The following KDM4C variants were observed in gnomAD, a reference collection of about 807,000 sequenced individuals.
The protein encoded by KDM4C is lysine demethylase 4C.
A neutral mutation model predicts 129.3 loss-of-function variants in KDM4C; 81 were observed. The observed-to-expected ratio is 0.63, with a 90% CI of 0.52 to 0.75. The LOEUF is 0.75. KDM4C is among the 30% of genes least tolerant of loss of function. The pLI is 0.00. For missense variants in KDM4C, 1,457 were observed against 1,304.0 expected (o/e 1.12, Z -1.81); for synonymous variants, 573 against 456.1 (o/e 1.26, Z -3.26).
At chr9:6,799,170 G>A (rs1316026848) in intron 2 of KDM4C, among the ~76,000 whole-genome samples, 1 of 152,168 alleles carries the variant, frequency 6.6e-6, no homozygotes, top group Non-Finnish European at 1.5e-5. Flanking sequence ...GGTGGCGGCC[G>A]GGCAGAGGCT....
intron 8 of KDM4C, among the ~76,000 whole-genome samples, chr9:6,952,437 A>AATT (rs1342230497): frequency 2.8e-3 from 411 of 149,030 alleles, no homozygotes; most frequent in African/African-American, 9.6e-3. Context: ...ATATAATAAT[A>AATT]ATTATTATTA....
chr9:7,030,185 T>G (rs1052744083), intron 15 of KDM4C, among the ~76,000 whole-genome samples: 7 of 152,208 alleles, frequency 4.6e-5, no homozygotes, highest in Non-Finnish European at 8.8e-5. Flanking sequence ...TAGTTTGTCT[T>G]AAAAATTAGG....
At chr9:6,871,770 T>G (rs1290805248) in intron 5 of KDM4C, among the ~76,000 whole-genome samples, 4 of 152,220 alleles carry the variant, frequency 2.6e-5, no homozygotes, top group African/African-American at 9.6e-5. Flanking sequence ...GCAGGCACTC[T>G]ACAAGGTAGA....
At chr9:7,139,139 G>A (rs1841500954) in intron 19 of KDM4C, among the ~76,000 whole-genome samples, 1 of 152,164 alleles carries the variant, frequency 6.6e-6, no homozygotes, top group South Asian at 2.1e-4. Context: ...GCCAGGCATG[G>A]TGGTATGCAT....
chr9:6,857,465 T>C (rs1304605447), intron 5 of KDM4C, among the ~76,000 whole-genome samples: 1 of 152,206 alleles, frequency 6.6e-6, no homozygotes, highest in African/African-American at 2.4e-5. Context: ...CACATACCAC[T>C]CTAGCACACA....
intron 4 of KDM4C, among the ~76,000 whole-genome samples, chr9:6,826,425 C>G (rs551573597): frequency 1.3e-5 from 2 of 151,944 alleles, no homozygotes; most frequent in Non-Finnish European, 2.9e-5. Flanking sequence ...TGTATATTTC[C>G]TTCCATTTTT....
chr9:6,763,035 G>A (rs892059289), intron 1 of KDM4C, among the ~76,000 whole-genome samples: 3 of 150,828 alleles, frequency 2.0e-5, no homozygotes, highest in African/African-American at 7.4e-5. Context: ...TCCGCTGGTG[G>A]GGGGGGATGG....
intron 1 of KDM4C, among the ~76,000 whole-genome samples, chr9:6,781,400 C>T (rs572213147): frequency 1.8e-4 from 28 of 151,722 alleles, no homozygotes; most frequent in African/African-American, 6.5e-4. Flanking sequence ...TTTTTAAAGA[C>T]ACTGTATTTA....
At chr9:6,863,115 A>G (rs530174950) in intron 5 of KDM4C, among the ~76,000 whole-genome samples, 3 of 152,338 alleles carry the variant, frequency 2.0e-5, no homozygotes, top group African/African-American at 7.2e-5. Context: ...GTGACAACGT[A>G]TACAGAAAAG....
intron 17 of KDM4C, among the ~76,000 whole-genome samples, chr9:7,075,382 G>A (rs896539033): frequency 6.6e-6 from 1 of 152,096 alleles, no homozygotes; most frequent in Non-Finnish European, 1.5e-5. Context: ...CAGTGTTGGG[G>A]GGTGCGACCT....
At chr9:7,150,610 G>T (rs1250300074) in intron 19 of KDM4C, among the ~76,000 whole-genome samples, 1 of 152,152 alleles carries the variant, frequency 6.6e-6, no homozygotes, top group Non-Finnish European at 1.5e-5. Flanking sequence ...GGAGAAGGCA[G>T]GAATGCAGAG....
At chr9:7,118,933 C>G (rs1839207253) in intron 18 of KDM4C, among the ~76,000 whole-genome samples, 1 of 152,074 alleles carries the variant, frequency 6.6e-6, no homozygotes, top group African/African-American at 2.4e-5. Context: ...CCTATACGGC[C>G]AAAGCAAAGA....
At position 7,021,750 on chromosome 9, in the gene KDM4C, T is replaced by G. The variant is rs146234301; in HGVS notation, c.2259+5821T>G. Reference sequence around the variant, plus strand: ...TTGCCCAGACCAGTATTCTGGAGAGTTTCCCAATATTTTCTGTTAGTAGTT... The same window carrying G: ...TTGCCCAGACCAGTATTCTGGAGAGGTTCCCAATATTTTCTGTTAGTAGTT... On this transcript the variant is annotated intron_variant, in intron 15 of 21. Transcript: ENST00000381309. Among the ~76,000 whole-genome samples, 926 of 152,240 alleles carry G rather than the reference T, an allele frequency of 6.1e-3. 14 individuals are homozygous for G. Among genetic ancestry groups the G allele is most frequent in the African/African-American group, 0.02 (837 of 41,538 alleles).
intron 5 of KDM4C, among the ~76,000 whole-genome samples, chr9:6,856,961 G>C (rs1839974297): frequency 6.6e-6 from 1 of 152,042 alleles, no homozygotes; most frequent in African/African-American, 2.4e-5. Flanking sequence ...GTTTCACCGT[G>C]TTAGCCAGGA....
chr9:6,838,504 C>T (rs1030775019), intron 4 of KDM4C, among the ~76,000 whole-genome samples: 1 of 152,196 alleles, frequency 6.6e-6, no homozygotes, highest in African/African-American at 2.4e-5. Context: ...GTGGGAGTCT[C>T]AAGCTCACTG....
At chr9:6,831,890 A>G (rs1271073377) in intron 4 of KDM4C, among the ~76,000 whole-genome samples, 1 of 152,196 alleles carries the variant, frequency 6.6e-6, no homozygotes, top group Non-Finnish European at 1.5e-5. Flanking sequence ...TGCAGTTTTC[A>G]TTCAGCTATA....
At chr9:6,884,932 T>C (rs981634719) in intron 6 of KDM4C, among the ~76,000 whole-genome samples, 1 of 152,238 alleles carries the variant, frequency 6.6e-6, no homozygotes, top group Non-Finnish European at 1.5e-5. Context: ...GGAACACACC[T>C]GTTCCATATT....
rs569922163 is a variant in KDM4C at position 6,835,126 on chromosome 9, G to T, written c.436-14381G>T. On this transcript the variant is annotated intron_variant, in intron 4 of 21. Transcript: ENST00000381309. ...CTATGTTGCTCTGGCCTTCGAGCAG[G>T]AGATGGCCATGGCGGCTTCCAGCTC... is the stretch of plus-strand genomic sequence containing the variant. 21 of 1,000,286 alleles carry T rather than the reference G, an allele frequency of 2.1e-5. No homozygotes were observed. The African/African-American group carries it at 3.2e-4, about 15-fold the overall frequency. 62.0% of individuals were successfully genotyped at this position (1,000,286 alleles called of 1,614,324 possible).
intron 8 of KDM4C, among the ~76,000 whole-genome samples, chr9:6,943,706 A>T (rs977473889): frequency 6.6e-6 from 1 of 152,130 alleles, no homozygotes; most frequent in Non-Finnish European, 1.5e-5. Context: ...ACAAATAATT[A>T]TCTGCCCCAG....
Sources: gnomAD v4.1 joint callset for allele counts (sites outside exome capture counted in the v4.1 genomes callset) on GRCh38, gnomAD v4.1.1 for gene constraint, MANE v1.5 for transcripts, NCBI Gene and HGNC (gene_info 2026-07-23, HGNC 2026-07-21) for gene names.